KLF12: variants seen among roughly 807,000 people sequenced by gnomAD.
KLF12 encodes the protein Krueppel-like factor 12.
In KLF12, 9 loss-of-function variants were observed where a neutral mutation model predicts 37.8. That is an observed-to-expected ratio of 0.24 (90% CI 0.14 to 0.42). The LOEUF (loss-of-function observed/expected upper bound fraction) is 0.42. Among genes scored for constraint, KLF12 ranks in the 10% least tolerant of loss-of-function variants. KLF12 has a pLI of 1.00. For synonymous variants in KLF12, 208 were observed against 202.1 expected (o/e 1.03, Z -0.25); for missense variants, 411 against 516.0 (o/e 0.80, Z 1.97).
intron 6 of KLF12, among the ~76,000 whole-genome samples, chr13:73,749,796 G>GT (rs1366612617): frequency 2.0e-4 from 30 of 152,266 alleles, no homozygotes; most frequent in African/African-American, 7.2e-4. Flanking sequence ...ATGAAAGTTG[G>GT]TTTTTTCTTT....
the KLF12 span, among the ~76,000 whole-genome samples, chr13:74,170,799 C>G: frequency 1.3e-5 from 2 of 152,228 alleles, no homozygotes; most frequent in Non-Finnish European, 2.9e-5. Flanking sequence ...GAGTCTCACT[C>G]TGTCACTCAG....
At chr13:73,944,540 C>T (rs1338445621) in intron 2 of KLF12, among the ~76,000 whole-genome samples, 4 of 152,178 alleles carry the variant, frequency 2.6e-5, no homozygotes, top group Admixed American at 6.5e-5. Context: ...TAATTCCATA[C>T]ATTTAATTTT....
At position 73,964,606 on chromosome 13, in the gene KLF12, T is replaced by TAAAA. The variant is rs71115627; in HGVS notation, c.34-20540_34-20537dup. On this transcript the variant is annotated intron_variant, in intron 2 of 7. Coordinates refer to ENST00000377669, the MANE Select transcript of KLF12 (RefSeq NM_007249.5). ...AACATGGTGAAACTCCGTCTCTACT[T>TAAAA]AAAAAAAAAAAAAAAAAATCTAAGG... Among the ~76,000 whole-genome samples the TAAAA allele has an allele frequency of 1.4e-3, 194 of 137,386 alleles. 3 individuals are homozygous for TAAAA. The highest frequency in any genetic ancestry group is 3.8e-3 in the Middle Eastern group (1 of 266). The allele number at this position is 137,386 out of a possible 152,430, so 90.1% of individuals were successfully genotyped here. A position where few individuals can be genotyped will look rare whatever the true frequency, so the allele number is the denominator to read the frequency against.
the KLF12 span, among the ~76,000 whole-genome samples, chr13:74,219,240 G>A: frequency 6.6e-6 from 1 of 152,200 alleles, no homozygotes; most frequent in African/African-American, 2.4e-5. Flanking sequence ...ACAGGCATGA[G>A]CCACCATGCC....
intron 1 of KLF12, among the ~76,000 whole-genome samples, chr13:74,055,437 A>G (rs993374918): frequency 3.9e-5 from 6 of 152,118 alleles, no homozygotes; most frequent in Admixed American, 2.0e-4. Flanking sequence ...TGGAAACTGT[A>G]TTTTCTTGGT....
the KLF12 span, among the ~76,000 whole-genome samples, chr13:74,256,652 GC>G: frequency 6.7e-6 from 1 of 150,130 alleles, no homozygotes; most frequent in African/African-American, 2.4e-5. Flanking sequence ...ACAGCATTAA[GC>G]TTTTCTTTTA....
the KLF12 span, among the ~76,000 whole-genome samples, chr13:74,213,434 C>T: frequency 6.6e-6 from 1 of 151,920 alleles, no homozygotes; most frequent in African/African-American, 2.4e-5. Flanking sequence ...TTGCTTTGGG[C>T]TTTTTTCCTT....
chr13:74,088,036 G>A (rs997659719), intron 1 of KLF12, among the ~76,000 whole-genome samples: 1 of 152,098 alleles, frequency 6.6e-6, no homozygotes, highest in Non-Finnish European at 1.5e-5. Context: ...AGTGATTGGA[G>A]GAGGGAGTGG....
intron 1 of KLF12, among the ~76,000 whole-genome samples, chr13:74,039,024 A>G (rs1593849421): frequency 7.0e-6 from 1 of 142,268 alleles, no homozygotes; most frequent in Non-Finnish European, 1.6e-5. Flanking sequence ...CACTTTGCAC[A>G]ATATGTGTGT....
chr13:73,963,687 A>G (rs1282344148), intron 2 of KLF12, among the ~76,000 whole-genome samples: 2 of 152,240 alleles, frequency 1.3e-5, no homozygotes, highest in Non-Finnish European at 2.9e-5. Context: ...TAATAATGCC[A>G]ATGGATAAAT....
chr13:74,049,174 T>A (rs1320422666), intron 1 of KLF12, among the ~76,000 whole-genome samples: 1 of 152,110 alleles, frequency 6.6e-6, no homozygotes, highest in Non-Finnish European at 1.5e-5. Context: ...ACAAAGGGCC[T>A]CCACTGAGAG....
chr13:74,278,906 T>C, the KLF12 span, among the ~76,000 whole-genome samples: 1 of 152,206 alleles, frequency 6.6e-6, no homozygotes, highest in Non-Finnish European at 1.5e-5. Flanking sequence ...ATGTTGATTC[T>C]CTGGCTCCTC....
intron 6 of KLF12, among the ~76,000 whole-genome samples, chr13:73,732,388 C>A (rs1323179085): frequency 2.6e-5 from 4 of 152,084 alleles, no homozygotes; most frequent in African/African-American, 9.7e-5. Context: ...CAGTGCCTGG[C>A]TGTTTAACCC....
Position 73,865,893 on chromosome 13 carries a change from T to A in KLF12, c.124-19520A>T, listed in dbSNP as rs866975413. On this transcript the variant is annotated intron_variant, in intron 3 of 7. Coordinates refer to ENST00000377669, the MANE Select transcript of KLF12 (RefSeq NM_007249.5). The stretch of plus-strand genomic sequence containing the variant: ...GACAGCAGAAGGACATAGAAATGAT[T>A]AATGAACTGAAAAATGAATGAGCAA... 5.9e-5 allele frequency among the ~76,000 whole-genome samples: 9 copies of A among 152,292 alleles called. No homozygotes were observed. In the Middle Eastern group the frequency reaches 0.017, roughly 288 times the overall value.
At chr13:74,288,659 G>A in the KLF12 span, among the ~76,000 whole-genome samples, 1 of 152,196 alleles carries the variant, frequency 6.6e-6, no homozygotes, top group Non-Finnish European at 1.5e-5. Context: ...GGAAGCCTCC[G>A]CAGCCTAGAC....
intron 1 of KLF12, among the ~76,000 whole-genome samples, chr13:74,103,679 G>A (rs1200836432): frequency 2.6e-5 from 4 of 152,100 alleles, no homozygotes; most frequent in South Asian, 4.1e-4. Context: ...TTAAGGAAAT[G>A]TTTCATTTTC....
At chr13:74,226,056 A>C in the KLF12 span, among the ~76,000 whole-genome samples, 2 of 152,142 alleles carry the variant, frequency 1.3e-5, no homozygotes, top group Non-Finnish European at 2.9e-5. Context: ...TTTTCCAGGT[A>C]AGATGTAGAT....
intron 1 of KLF12, among the ~76,000 whole-genome samples, chr13:74,017,544 G>C (rs1294601647): frequency 6.6e-6 from 1 of 150,716 alleles, no homozygotes; most frequent in Non-Finnish European, 1.5e-5. Flanking sequence ...TATCAAAAGA[G>C]GCCCTCCTTC....
chr13:74,245,302 T>C, the KLF12 span, among the ~76,000 whole-genome samples: 1 of 120,576 alleles, frequency 8.3e-6, no homozygotes, highest in Non-Finnish European at 1.7e-5. Flanking sequence ...TTTATCTATC[T>C]ATCTATCTAT....
Sources: allele counts gnomAD v4.1 joint callset (sites outside exome capture counted in the v4.1 genomes callset), GRCh38; gene constraint gnomAD v4.1.1; transcripts MANE v1.5; gene names NCBI Gene and HGNC (gene_info 2026-07-23, HGNC 2026-07-21).